Variants in MACROD2 observed in about 807,000 individuals in gnomAD.
MACROD2 encodes ADP-ribose glycohydrolase MACROD2.
In MACROD2, 36 loss-of-function variants were observed where a neutral mutation model predicts 70.4. The observed-to-expected ratio is 0.51, with a 90% CI of 0.39 to 0.68. The LOEUF (loss-of-function observed/expected upper bound fraction) is 0.68, where lower values mean the gene tolerates loss of function less well. MACROD2 is among the 30% of genes least tolerant of loss of function. MACROD2 has a pLI of 0.00. For synonymous variants in MACROD2, 172 were observed against 178.8 expected (o/e 0.96, Z 0.30); for missense variants, 496 against 538.4 (o/e 0.92, Z 0.78).
At chr20:14,144,873 A>G (rs1274239353) in intron 3 of MACROD2, among the ~76,000 whole-genome samples, 1 of 152,184 alleles carries the variant, frequency 6.6e-6, no homozygotes, top group African/African-American at 2.4e-5. Flanking sequence ...TTTCACCTCC[A>G]GACTATGCCT....
intron 5 of MACROD2, among the ~76,000 whole-genome samples, chr20:14,691,362 T>A (rs1186615810): frequency 2.0e-5 from 3 of 152,226 alleles, no homozygotes; most frequent in African/African-American, 7.2e-5. Context: ...ACATCCTTGC[T>A]TCTGTTGCCT....
intron 4 of MACROD2, among the ~76,000 whole-genome samples, chr20:14,544,820 G>A (rs4814310): frequency 0.83 from 125,680 of 152,098 alleles, 52,002 homozygotes; most frequent in Middle Eastern, 0.87. Flanking sequence ...GTATTTATCC[G>A]TCAACTCCTG....
chr20:15,703,260 C>A (rs1411320479), intron 8 of MACROD2, among the ~76,000 whole-genome samples: 1 of 152,202 alleles, frequency 6.6e-6, no homozygotes, highest in Non-Finnish European at 1.5e-5. Flanking sequence ...CATTGTGACA[C>A]CAAACCATGA....
chr20:14,219,624 T>C (rs2081652651), intron 3 of MACROD2, among the ~76,000 whole-genome samples: 1 of 152,100 alleles, frequency 6.6e-6, no homozygotes. Context: ...ATTACCAGGG[T>C]TGGTTTTCTG....
chr20:14,871,094 T>C (rs73266791), intron 5 of MACROD2, among the ~76,000 whole-genome samples: 1,908 of 152,186 alleles, frequency 0.013, 43 homozygotes, highest in African/African-American at 0.043. Context: ...GGAAAACATA[T>C]TTCAATAGAT....
chr20:15,032,062 G>A (rs1241377636), intron 5 of MACROD2, among the ~76,000 whole-genome samples: 1 of 152,220 alleles, frequency 6.6e-6, no homozygotes, highest in Non-Finnish European at 1.5e-5. Context: ...CCTCAAGGGT[G>A]CACACACGCG....
chr20:14,622,979 A>G (rs1433969667), intron 4 of MACROD2: 1 of 152,200 alleles, frequency 6.6e-6, no homozygotes, highest in Admixed American at 6.6e-5. Context: ...CCTCTACTGG[A>G]CTTGACTGCT....
intron 5 of MACROD2, among the ~76,000 whole-genome samples, chr20:14,690,743 T>C (rs1386709159): frequency 6.6e-6 from 1 of 152,188 alleles, no homozygotes; most frequent in Non-Finnish European, 1.5e-5. Flanking sequence ...TAAAGCTTTA[T>C]TAGAACACAG....
chr20:15,760,054 G>A (rs1015889055), intron 8 of MACROD2, among the ~76,000 whole-genome samples: 1 of 152,160 alleles, frequency 6.6e-6, no homozygotes, highest in Non-Finnish European at 1.5e-5. Context: ...ATTCATGACT[G>A]GAGTGCCACA....
At chr20:14,297,624 T>C (rs2082438309) in intron 3 of MACROD2, among the ~76,000 whole-genome samples, 1 of 151,918 alleles carries the variant, frequency 6.6e-6, no homozygotes, top group East Asian at 1.9e-4. Flanking sequence ...AGAAGAAAAG[T>C]TGGAAGCTAG....
intron 6 of MACROD2, 58 bp downstream of exon 6, chr20:15,230,119 T>A: frequency 6.6e-7 from 1 of 1,522,694 alleles, no homozygotes; most frequent in Non-Finnish European, 8.9e-7. Flanking sequence ...GCTTTAGTAA[T>A]CTGTCTTGTC....
chr20:15,490,937 A>G (rs1403478143), intron 7 of MACROD2, among the ~76,000 whole-genome samples: 1 of 152,224 alleles, frequency 6.6e-6, no homozygotes, highest in Non-Finnish European at 1.5e-5. Flanking sequence ...CTTTCCCTCA[A>G]TACAGTAAAG....
chr20:14,253,691 G>T (rs1414026008), intron 3 of MACROD2, among the ~76,000 whole-genome samples: 2 of 151,936 alleles, frequency 1.3e-5, no homozygotes, highest in East Asian at 1.9e-4. Context: ...ATCATCAAGG[G>T]GTGAGAATCT....
intron 6 of MACROD2, among the ~76,000 whole-genome samples, chr20:15,230,887 GT>G (rs1299725756): frequency 1.3e-5 from 2 of 152,058 alleles, no homozygotes; most frequent in East Asian, 3.8e-4. Flanking sequence ...TCCCTTGGTT[GT>G]TCCCCCTCCC....
intron 3 of MACROD2, among the ~76,000 whole-genome samples, chr20:14,451,249 C>G (rs918877639): frequency 6.6e-6 from 1 of 152,038 alleles, no homozygotes; most frequent in African/African-American, 2.4e-5. Context: ...TGAGACCAGC[C>G]AGGCCAATAT....
intron 5 of MACROD2, among the ~76,000 whole-genome samples, chr20:14,885,468 C>T (rs771588437): frequency 2.7e-4 from 41 of 152,162 alleles, no homozygotes; most frequent in Non-Finnish European, 5.4e-4. Context: ...ACCTACTAGC[C>T]AGTCTCTCTG....
intron 5 of MACROD2, among the ~76,000 whole-genome samples, chr20:15,092,432 T>G (rs1382596400): frequency 6.7e-6 from 1 of 148,496 alleles, no homozygotes; most frequent in African/African-American, 2.4e-5. Context: ...ATAATTAAAA[T>G]TTATATATTT....
At chr20:14,057,525 G>A (rs539443949) in intron 2 of MACROD2, among the ~76,000 whole-genome samples, 13 of 152,210 alleles carry the variant, frequency 8.5e-5, no homozygotes, top group South Asian at 2.1e-4. Context: ...TAGAAAGATC[G>A]ACAGTACCAA....
chr20:15,858,233 T>C (rs2064379766), intron 8 of MACROD2, among the ~76,000 whole-genome samples: 2 of 152,206 alleles, frequency 1.3e-5, no homozygotes, highest in South Asian at 4.2e-4. Context: ...AATGAATGAA[T>C]ACAATCTCTC....
Sources: gnomAD v4.1 joint callset for allele counts (sites outside exome capture counted in the v4.1 genomes callset) on GRCh38, gnomAD v4.1.1 for gene constraint, MANE v1.5 for transcripts, NCBI Gene and HGNC (gene_info 2026-07-23, HGNC 2026-07-21) for gene names.